HPGD: variants seen among roughly 807,000 people sequenced by gnomAD.
The protein encoded by HPGD is 15-hydroxyprostaglandin dehydrogenase.
Under a neutral mutation model 30.0 loss-of-function variants are expected in HPGD, and 29 were observed. That is an observed-to-expected ratio of 0.97 (90% CI 0.72 to 1.32). The LOEUF is 1.32. HPGD is among the 40% of genes most tolerant of loss of function. The probability of loss-of-function intolerance (pLI) is 0.00; values close to 1 mark genes in which losing one functional copy is unlikely to be tolerated. For synonymous variants in HPGD, 99 were observed against 112.4 expected (o/e 0.88, Z 0.75); for missense variants, 340 against 322.1 (o/e 1.06, Z -0.43).
chr4:174,505,371 T>A (rs913562511), intron 4 of HPGD, among the ~76,000 whole-genome samples: 12 of 151,950 alleles, frequency 7.9e-5, no homozygotes, highest in African/African-American at 2.9e-4. Context: ...GAAAAAAAAA[T>A]CTGTGAGGAA....
intron 4 of HPGD, among the ~76,000 whole-genome samples, chr4:174,497,860 G>A (rs183345096): frequency 1.6e-3 from 238 of 151,406 alleles, no homozygotes; most frequent in African/African-American, 5.7e-3. Context: ...ACAGGCATGA[G>A]CCACCATGGC....
chr4:174,518,270 T>C (rs991284339), intron 2 of HPGD, among the ~76,000 whole-genome samples, 193 bp from the exon 3 acceptor site: 2 of 152,186 alleles, frequency 1.3e-5, no homozygotes, highest in South Asian at 2.1e-4. Flanking sequence ...ATCTGGCAGC[T>C]TGGTAAGAAT....
At chr4:174,512,764 A>G (rs1178825216) in intron 3 of HPGD, among the ~76,000 whole-genome samples, 1 of 152,210 alleles carries the variant, frequency 6.6e-6, no homozygotes, top group Non-Finnish European at 1.5e-5. Context: ...CCTGATGTGA[A>G]GCTGAAAAGT....
intron 5 of HPGD, 131 bp downstream of exon 5, chr4:174,495,417 A>AT: frequency 1.4e-6 from 1 of 713,208 alleles, no homozygotes; most frequent in Non-Finnish European, 2.5e-6. Context: ...ACTTTTTATA[A>AT]TTGAGATGGA....
intron 2 of HPGD, among the ~76,000 whole-genome samples, chr4:174,521,217 T>C (rs1387446100): frequency 7.0e-6 from 1 of 143,140 alleles, no homozygotes; most frequent in African/African-American, 2.7e-5. Flanking sequence ...AGTTCTCCAA[T>C]AGATGTACAA....
At position 174,496,903 on chromosome 4, in the gene HPGD, T is replaced by A. The variant is rs543984708; in HGVS notation, c.422-1279A>T. On this transcript the variant is annotated intron_variant, in intron 4 of 6. Coordinates refer to ENST00000296522, the MANE Select transcript of HPGD (RefSeq NM_000860.6). The surrounding 1 kb of genome is among the most constrained non-coding windows in gnomAD (Gnocchi z 4.6). The stretch of plus-strand genomic sequence containing the variant: ...ACACCTAGTGTGTCCACCCAATGAT[T>A]TCAAAGTATTGTTAATATGTTGCTT... Among the ~76,000 whole-genome samples the A allele has an allele frequency of 1.3e-5, 2 of 152,376 alleles. No individual in the cohort carries two copies. Among genetic ancestry groups the A allele is most frequent in the South Asian group, 4.1e-4 (2 of 4,830 alleles).
At chr4:174,519,236 C>T (rs116141040) in intron 2 of HPGD, among the ~76,000 whole-genome samples, 16,621 of 141,620 alleles carry the variant, frequency 0.12, 1,218 homozygotes, top group East Asian at 0.42. Flanking sequence ...TTTTTTGAGT[C>T]GGAGCCTCGT....
At chr4:174,495,733 A>C (rs1456315924) in intron 4 of HPGD, 109 bp from the exon 5 acceptor site, 1 of 784,510 alleles carries the variant, frequency 1.3e-6, no homozygotes, top group Non-Finnish European at 2.2e-6. Flanking sequence ...ATTTAAGATG[A>C]ATCTGAATAA....
intron 2 of HPGD, among the ~76,000 whole-genome samples, chr4:174,518,944 T>C (rs45534931): frequency 0.014 from 2,057 of 152,296 alleles, 43 homozygotes; most frequent in African/African-American, 0.046. Context: ...TTTTTCTACA[T>C]GACGGAAATA....
At position 174,494,945 on chromosome 4, in the gene HPGD, C is replaced by T. The variant is rs921898122; in HGVS notation, c.498+603G>A. The stretch of plus-strand genomic sequence containing the variant: ...TCCTGTGCTGGTGTCTTGAGTCATA[C>T]CTCAAACTACATTCCCTTTGCTTGC... On this transcript the variant is annotated intron_variant, in intron 5 of 6. Transcript: ENST00000296522. This position sits in a 1 kb window ranked among gnomAD's most constrained non-coding sequence, Gnocchi z 4.9. 1.3e-5 allele frequency among the ~76,000 whole-genome samples: 2 copies of T among 152,152 alleles called. No individual in the cohort carries two copies. Among genetic ancestry groups the T allele is most frequent in the Admixed American group, 6.5e-5 (1 of 15,274 alleles).
At position 174,492,013 on chromosome 4, in the gene HPGD, A is replaced by G; in HGVS notation, c.744T>C (p.Ser248=). Residue 248 remains serine, a synonymous_variant, in exon 7 of 7, where the codon TCT becomes TCC. Transcript: ENST00000296522. This position sits in a 1 kb window ranked among gnomAD's most constrained non-coding sequence, Gnocchi z 4.9. ...CATAGTCTTGAAAATGAATTCCCTT[A>G]GAAGTTGTGATCTTCATAATAGCAC... ...LNGAIMKITT[S]KGIHFQDYDT... is the part of the protein sequence containing the mutation. 1.2e-6 allele frequency: 2 copies of G among 1,610,790 alleles called. No homozygotes were observed. The highest frequency in any genetic ancestry group is 1.7e-6 in the Non-Finnish European group (2 of 1,177,298).
At chr4:174,505,634 ACAAGG>A (rs45577235) in intron 4 of HPGD, among the ~76,000 whole-genome samples, 4,277 of 152,270 alleles carry the variant, frequency 0.028, 204 homozygotes, top group African/African-American at 0.096. Flanking sequence ...TGGATAAAAT[ACAAGG>A]CAATTCATTT....
Position 174,515,293 on chromosome 4 carries a change from C to A in HPGD, c.324+2678G>T. Among the ~76,000 whole-genome samples the A allele has an allele frequency of 2.0e-5, 3 of 152,150 alleles. No homozygotes were observed. The Middle Eastern group carries it at 0.01, about 518-fold the overall frequency. ...CAAGGCTACAGTAACCCAAACAGCACGGTACTGGTACAAAAACAGATATAT... is the reference window on the plus strand; with the variant it reads ...CAAGGCTACAGTAACCCAAACAGCAAGGTACTGGTACAAAAACAGATATAT... On this transcript the variant is annotated intron_variant, in intron 3 of 6. Coordinates refer to ENST00000296522, the MANE Select transcript of HPGD (RefSeq NM_000860.6).
At chr4:174,519,172 T>A (rs987159747) in intron 2 of HPGD, among the ~76,000 whole-genome samples, 1 of 152,096 alleles carries the variant, frequency 6.6e-6, no homozygotes, top group African/African-American at 2.4e-5. Flanking sequence ...ACACTCACTG[T>A]ACGGGAATGG....
At chr4:174,504,745 G>A (rs986114833) in intron 4 of HPGD, among the ~76,000 whole-genome samples, 2 of 151,930 alleles carry the variant, frequency 1.3e-5, no homozygotes, top group African/African-American at 4.8e-5. Context: ...CCTGAGAGGT[G>A]TTGGTTGTAG....
chr4:174,497,224 G>C (rs533387858), intron 4 of HPGD, among the ~76,000 whole-genome samples: 1 of 152,272 alleles, frequency 6.6e-6, no homozygotes, highest in African/African-American at 2.4e-5. Flanking sequence ...ACAGCCGCAA[G>C]AACTACAAAG....
chr4:174,497,568 C>CTTTTTTTTTTTT lies in HPGD; in HGVS notation c.422-1956_422-1945dup, dbSNP rs778825547. 9.2e-3 allele frequency among the ~76,000 whole-genome samples: 470 copies of CTTTTTTTTTTTT among 51,012 alleles called. 61 individuals carry two copies. The highest frequency in any genetic ancestry group is 0.031 in the Middle Eastern group (2 of 64). 33.5% of individuals were successfully genotyped at this position (51,012 alleles called of 152,430 possible). On this transcript the variant is annotated intron_variant, in intron 4 of 6. Transcript: ENST00000296522. ...CACTTTCTTTTCTTTCTTTTTCTTT[C>CTTTTTTTTTTTT]TTTTTTTTTTTTTTTTTTTTTTTTT...
Position 174,490,810 on chromosome 4 carries a change from T to C in HPGD, c.*1146A>G, listed in dbSNP as rs1418640369. On this transcript the variant is annotated 3_prime_UTR_variant, in exon 7 of 7. Transcript: ENST00000296522. The surrounding 1 kb of genome is among the most constrained non-coding windows in gnomAD (Gnocchi z 4.4). ...GACAGGATGAGTCACTTATACGATA[T>C]TTTTTTGAGAAAACGACTGATTTGG... is the stretch of plus-strand genomic sequence containing the variant. 6.6e-6 allele frequency: 1 copy of C among 152,300 alleles called. No individual in the cohort carries two copies. Among genetic ancestry groups the C allele is most frequent in the African/African-American group, 2.4e-5 (1 of 41,446 alleles). The allele number at this position is 152,300 out of a possible 1,614,324, so 9.4% of individuals were successfully genotyped here. A position where few individuals can be genotyped will look rare whatever the true frequency, so the allele number is the denominator to read the frequency against.
At chr4:174,517,130 G>A (rs943461529) in intron 3 of HPGD, among the ~76,000 whole-genome samples, 4 of 152,224 alleles carry the variant, frequency 2.6e-5, no homozygotes, top group Admixed American at 2.6e-4. Context: ...TTTAGTTAAC[G>A]TTTGATTTTT....
Sources: gnomAD v4.1 joint callset for allele counts (sites outside exome capture counted in the v4.1 genomes callset) on GRCh38, gnomAD v4.1.1 for gene constraint, Gnocchi (gnomAD v3.1) non-coding constraint, MANE v1.5 for transcripts, NCBI Gene and HGNC (gene_info 2026-07-23, HGNC 2026-07-21) for gene names.